The following FARSB variants were observed in gnomAD, a reference collection of about 807,000 sequenced individuals.
The protein encoded by FARSB is phenylalanyl-tRNA synthetase subunit beta.
A neutral mutation model predicts 69.6 loss-of-function variants in FARSB; 40 were observed. The observed-to-expected ratio is 0.57, with a 90% confidence interval of 0.45 to 0.75. The LOEUF is 0.75. Ranked by LOEUF, FARSB falls within the 30% of genes least tolerant of loss-of-function variation. The pLI, the probability that FARSB is intolerant of heterozygous loss-of-function variation, is 0.00. For synonymous variants in FARSB, 235 were observed against 247.2 expected (o/e 0.95, Z 0.46); for missense variants, 632 against 722.9 (o/e 0.87, Z 1.44).
At chr2:222,655,225 C>A (rs937240841) in intron 1 of FARSB, among the ~76,000 whole-genome samples, 6 of 151,878 alleles carry the variant, frequency 4.0e-5, no homozygotes, top group Admixed American at 1.3e-4. Context: ...TAGGGTGGGG[C>A]AGCTGCTACG....
chr2:222,583,819 T>A (rs541282114), intron 16 of FARSB, among the ~76,000 whole-genome samples: 23 of 152,302 alleles, frequency 1.5e-4, no homozygotes, highest in African/African-American at 5.5e-4. Flanking sequence ...CTGATGGTTT[T>A]TTAAGAGGCA....
intron 16 of FARSB, among the ~76,000 whole-genome samples, chr2:222,587,225 A>C (rs1361546338): frequency 6.6e-6 from 1 of 152,216 alleles, no homozygotes; most frequent in Non-Finnish European, 1.5e-5. Context: ...ACACAACTAC[A>C]TGGAAACTGG....
intron 16 of FARSB, among the ~76,000 whole-genome samples, 190 bp from the exon 17 acceptor site, chr2:222,572,212 G>C (rs1689734921): frequency 6.6e-6 from 1 of 152,042 alleles, no homozygotes; most frequent in Admixed American, 6.5e-5. Context: ...ACTCTTGCAA[G>C]GAAAAAATCC....
intron 7 of FARSB, among the ~76,000 whole-genome samples, 198 bp downstream of exon 7, chr2:222,633,001 A>G (rs1212880832): frequency 6.6e-6 from 1 of 152,228 alleles, no homozygotes; most frequent in Non-Finnish European, 1.5e-5. Context: ...ATGTATGAGC[A>G]TAAGTTACAT....
Position 222,588,459 on chromosome 2 carries a change from G to C in FARSB, c.1618+11469C>G, listed in dbSNP as rs201804741. Among the ~76,000 whole-genome samples, 51 of 152,300 alleles carry C rather than the reference G, an allele frequency of 3.3e-4. No homozygotes were observed. The East Asian group carries it at 9.1e-3, about 27-fold the overall frequency. On this transcript the variant is annotated intron_variant, in intron 16 of 16. Transcript: ENST00000281828. Reference sequence around the variant, plus strand: ...CCTTTGAAAACTGGCACAAGACAGGGATGCCCTCTCTCACCACTCCTATTC... The same window carrying C: ...CCTTTGAAAACTGGCACAAGACAGGCATGCCCTCTCTCACCACTCCTATTC...
At position 222,630,246 on chromosome 2, in the gene FARSB, T is replaced by C. The variant is rs573531425; in HGVS notation, c.787-72A>G. On this transcript the variant is annotated intron_variant, in intron 8 of 16. Transcript: ENST00000281828. The stretch of plus-strand genomic sequence containing the variant: ...CTTCACTCAGATGGAAATGAATTAA[T>C]ATTTAATATAATTGTGTCCTCACAT... 2.6e-5 allele frequency: 20 copies of C among 769,008 alleles called. No individual in the cohort carries two copies. The African/African-American group carries it at 3.5e-4, about 14-fold the overall frequency. The allele number at this position is 769,008 out of a possible 1,614,324, so 47.6% of individuals were successfully genotyped here. A position where few individuals can be genotyped will look rare whatever the true frequency, so the allele number is the denominator to read the frequency against.
intron 14 of FARSB, among the ~76,000 whole-genome samples, chr2:222,617,396 A>T (rs1691025475): frequency 6.6e-6 from 1 of 152,200 alleles, no homozygotes; most frequent in South Asian, 2.1e-4. Flanking sequence ...CAGTTACCAC[A>T]TCTTAAGAAA....
chr2:222,576,391 G>T (rs1320576783), intron 16 of FARSB, among the ~76,000 whole-genome samples: 1 of 151,844 alleles, frequency 6.6e-6, no homozygotes, highest in Non-Finnish European at 1.5e-5. Flanking sequence ...TAAAGGGGGG[G>T]GCAGGGAACA....
chr2:222,623,619 C>G, intron 13 of FARSB, 31 bp downstream of exon 13: 1 of 1,203,238 alleles, frequency 8.3e-7, no homozygotes, highest in Non-Finnish European at 1.2e-6. Flanking sequence ...AGTAAATAAT[C>G]ATCTGGGCAG....
At chr2:222,592,734 T>G (rs1199697583) in intron 16 of FARSB, among the ~76,000 whole-genome samples, 1 of 151,220 alleles carries the variant, frequency 6.6e-6, no homozygotes, top group African/African-American at 2.4e-5. Context: ...ATCTTCCTCT[T>G]TTTTTGCCCA....
At chr2:222,605,643 C>T (rs901103731) in intron 15 of FARSB, among the ~76,000 whole-genome samples, 1 of 152,112 alleles carries the variant, frequency 6.6e-6, no homozygotes, top group African/African-American at 2.4e-5. Flanking sequence ...GTAGGCCAGG[C>T]ACAGTGGCTC....
At chr2:222,587,535 C>T (rs557012913) in intron 16 of FARSB, among the ~76,000 whole-genome samples, 9 of 152,030 alleles carry the variant, frequency 5.9e-5, no homozygotes, top group Admixed American at 1.3e-4. Context: ...GCTAGAGACA[C>T]AAAAAACCCT....
intron 2 of FARSB, among the ~76,000 whole-genome samples, chr2:222,644,876 T>C (rs777557109): frequency 6.6e-6 from 1 of 151,988 alleles, no homozygotes; most frequent in African/African-American, 2.4e-5. Flanking sequence ...CTTATTGTAC[T>C]ATACTCACCT....
chr2:222,595,844 T>C (rs1423605867), intron 16 of FARSB, among the ~76,000 whole-genome samples: 3 of 151,996 alleles, frequency 2.0e-5, no homozygotes, highest in Admixed American at 1.3e-4. Context: ...AAAGGATAGA[T>C]GCCTCTTAAC....
chr2:222,624,858 T>C, intron 10 of FARSB, 83 bp from the exon 11 acceptor site: 1 of 761,664 alleles, frequency 1.3e-6, no homozygotes, highest in Non-Finnish European at 2.2e-6. Flanking sequence ...TTATTGCAGT[T>C]CTATTACGTT....
At chr2:222,642,003 C>CTTT (rs5838958) in intron 3 of FARSB, among the ~76,000 whole-genome samples, 1 of 128,772 alleles carries the variant, frequency 7.8e-6, no homozygotes, top group African/African-American at 2.8e-5. Flanking sequence ...TATCCTCTAT[C>CTTT]TTTTTTTTTT....
intron 16 of FARSB, among the ~76,000 whole-genome samples, chr2:222,592,263 G>C (rs188456222): frequency 6.6e-6 from 1 of 152,196 alleles, no homozygotes; most frequent in Admixed American, 6.6e-5. Context: ...TCCCTACCTA[G>C]GGATTTATTC....
chr2:222,575,503 A>G (rs1179958092), intron 16 of FARSB, among the ~76,000 whole-genome samples: 2 of 152,220 alleles, frequency 1.3e-5, no homozygotes, highest in Admixed American at 6.5e-5. Context: ...CAAGATGTGT[A>G]GTATTACAAT....
rs60746293 is a variant in FARSB, at chr2:222,653,431, GA to G, written c.58+2584del. ...ACAAGAAAAAAAGAGGAAGACTGGG[GA>G]AAAAAAAAAAAGGTAAGAAACAAGA... On this transcript the variant is annotated intron_variant, in intron 1 of 16. Coordinates refer to ENST00000281828, the MANE Select transcript of FARSB (RefSeq NM_005687.5). 4.8e-3 allele frequency among the ~76,000 whole-genome samples: 689 copies of G among 144,662 alleles called. 3 individuals carry two copies. Among genetic ancestry groups the G allele is most frequent in the African/African-American group, 0.012 (475 of 39,236 alleles). The allele number at this position is 144,662 out of a possible 152,430, so 94.9% of individuals were successfully genotyped here. A position where few individuals can be genotyped will look rare whatever the true frequency, so the allele number is the denominator to read the frequency against.
Sources: allele counts gnomAD v4.1 joint callset (sites outside exome capture counted in the v4.1 genomes callset), GRCh38; gene constraint gnomAD v4.1.1; transcripts MANE v1.5; gene names NCBI Gene and HGNC (gene_info 2026-07-23, HGNC 2026-07-21).